The following ADAM18 variants were observed in gnomAD, a reference collection of about 807,000 sequenced individuals.
ADAM18 encodes the protein ADAM metallopeptidase domain 18.
Under a neutral mutation model 94.4 loss-of-function variants are expected in ADAM18, and 117 were observed. The observed-to-expected ratio is 1.24, with a 90% CI of 1.07 to 1.45. The LOEUF is 1.45. Ranked by LOEUF, ADAM18 falls within the 40% of genes most tolerant of loss-of-function variation. ADAM18 has a pLI of 0.00. For missense variants in ADAM18, 936 were observed against 880.0 expected (o/e 1.06, Z -0.81); for synonymous variants, 327 against 291.6 (o/e 1.12, Z -1.24).
intron 18 of ADAM18, among the ~76,000 whole-genome samples, chr8:39,719,838 T>C (rs1822699345): frequency 6.6e-6 from 1 of 151,480 alleles, no homozygotes; most frequent in Non-Finnish European, 1.5e-5. Flanking sequence ...ACAAAATTTA[T>C]AGTTTCAGAG....
chr8:39,643,655 C>A (rs1820297707), intron 10 of ADAM18, among the ~76,000 whole-genome samples: 1 of 152,064 alleles, frequency 6.6e-6, no homozygotes, highest in African/African-American at 2.4e-5. Context: ...AATCTTTTCT[C>A]TGCCTTTGCC....
At chr8:39,728,396 G>T (rs2129582045) in intron 19 of ADAM18, among the ~76,000 whole-genome samples, 1 of 152,222 alleles carries the variant, frequency 6.6e-6, no homozygotes, top group South Asian at 2.1e-4. Flanking sequence ...ATGAGTAACT[G>T]TATTATTTAT....
chr8:39,630,989 A>G (rs1292032352), intron 7 of ADAM18, among the ~76,000 whole-genome samples: 1 of 151,982 alleles, frequency 6.6e-6, no homozygotes, highest in African/African-American at 2.4e-5. Flanking sequence ...GAGTTTGAGC[A>G]TATTTTCATA....
intron 17 of ADAM18, 83 bp downstream of exon 17, chr8:39,692,763 GGT>G: frequency 9.0e-7 from 1 of 1,110,968 alleles, no homozygotes; most frequent in Non-Finnish European, 1.3e-6. Context: ...TGAGAGTCTA[GGT>G]TGACTTGCCT....
chr8:39,706,224 T>A (rs1221409985), intron 17 of ADAM18, among the ~76,000 whole-genome samples: 1 of 152,134 alleles, frequency 6.6e-6, no homozygotes, highest in Non-Finnish European at 1.5e-5. Context: ...TGTATTTGAT[T>A]GTTGATTTAT....
rs554412773 is a variant in ADAM18, at chr8:39,586,117, T to C, written c.132+765T>C. 3.5e-3 allele frequency among the ~76,000 whole-genome samples: 532 copies of C among 152,286 alleles called. 5 individuals are homozygous for C. The highest frequency in any genetic ancestry group is 0.012 in the African/African-American group (508 of 41,566). ...TATGAGTAAGGAAAAGATTAATCTA[T>C]TAATTCTATTTTGGCACACAATATT... On this transcript the variant is annotated intron_variant, in intron 2 of 19. Coordinates refer to ENST00000265707, the MANE Select transcript of ADAM18 (RefSeq NM_014237.3).
intron 13 of ADAM18, among the ~76,000 whole-genome samples, chr8:39,664,209 T>C (rs531356792): frequency 4.6e-5 from 7 of 152,340 alleles, no homozygotes; most frequent in African/African-American, 1.7e-4. Context: ...TTCCTTTTTG[T>C]TGCTGAATAG....
intron 11 of ADAM18, among the ~76,000 whole-genome samples, chr8:39,646,081 T>C (rs939958532): frequency 1.3e-5 from 2 of 152,158 alleles, no homozygotes; most frequent in East Asian, 1.9e-4. Context: ...GCTAAGGCAT[T>C]TCTTTTTGCT....
chr8:39,613,937 G>A (rs1181301863), intron 6 of ADAM18, among the ~76,000 whole-genome samples: 1 of 152,090 alleles, frequency 6.6e-6, no homozygotes, highest in Non-Finnish European at 1.5e-5. Flanking sequence ...AAGAAAAAAT[G>A]CAAAAGAATG....
intron 2 of ADAM18, among the ~76,000 whole-genome samples, chr8:39,604,965 A>T (rs1819024840): frequency 6.6e-6 from 1 of 152,156 alleles, no homozygotes; most frequent in Admixed American, 6.6e-5. Flanking sequence ...AGATTGTGTC[A>T]GACCTTTTGC....
chr8:39,635,735 C>A (rs886984051), intron 7 of ADAM18, among the ~76,000 whole-genome samples: 1 of 152,044 alleles, frequency 6.6e-6, no homozygotes, highest in Non-Finnish European at 1.5e-5. Flanking sequence ...TGTACCTTGG[C>A]ACAATTGGAG....
Position 39,668,039 on chromosome 8 carries a change from A to G in ADAM18, c.1368A>G (p.Pro456=). 3 of 1,614,112 alleles carry G rather than the reference A, an allele frequency of 1.9e-6. No individual in the cohort carries two copies. In the Admixed American group the frequency reaches 5.0e-5, roughly 27 times the overall value. Residue 456 remains proline, a synonymous_variant, in exon 14 of 20, where the codon CCA becomes CCG. Transcript: ENST00000265707. ...CTCCATGTAGAAAGAGTATTGATCC[A>G]GAGTGTGATTTTACAGAGTACTGCA... ...AGTPCRKSID[P]ECDFTEYCNG...
At chr8:39,609,422 T>A in intron 4 of ADAM18, 63 bp from the exon 5 acceptor site, 1 of 1,115,524 alleles carries the variant, frequency 9.0e-7, no homozygotes, top group Non-Finnish European at 1.4e-6. Flanking sequence ...TTCTGACATG[T>A]TTGACAATAC....
intron 10 of ADAM18, among the ~76,000 whole-genome samples, chr8:39,643,626 C>T (rs1380715782): frequency 6.6e-6 from 1 of 152,012 alleles, no homozygotes; most frequent in Admixed American, 6.6e-5. Context: ...AGTGGTTCCT[C>T]TTGAGGGCTG....
chr8:39,589,376 T>C (rs539902124), intron 2 of ADAM18, among the ~76,000 whole-genome samples: 41 of 152,298 alleles, frequency 2.7e-4, no homozygotes, highest in African/African-American at 9.6e-4. Context: ...ATATACTTCA[T>C]AATGAATTAA....
intron 18 of ADAM18, among the ~76,000 whole-genome samples, chr8:39,709,094 C>T (rs564946150): frequency 8.5e-5 from 13 of 152,256 alleles, no homozygotes; most frequent in South Asian, 4.2e-4. Context: ...TCATGGCTCC[C>T]GAGCTCTTGT....
At chr8:39,598,957 A>G (rs1249512486) in intron 2 of ADAM18, among the ~76,000 whole-genome samples, 2 of 151,916 alleles carry the variant, frequency 1.3e-5, no homozygotes, top group African/African-American at 4.8e-5. Flanking sequence ...GATCACAGGA[A>G]CCCACCAACA....
At position 39,609,514 on chromosome 8, in the gene ADAM18, C is replaced by A. The variant is rs756914222; in HGVS notation, c.297C>A (p.Ala99=). 5 of 1,610,936 alleles carry A rather than the reference C, an allele frequency of 3.1e-6. No homozygotes were observed. The South Asian group carries it at 3.3e-5, about 11-fold the overall frequency. The part of the protein sequence containing the change: ...MMHCHYQGYA[A]EFPNSFVTLS... ...ATTGCCATTACCAAGGATATGCTGC[C>A]GAATTTCCAAATTCATTTGTGACAC... Residue 99 remains alanine (A), a synonymous_variant, in exon 5 of 20, where the codon GCC becomes GCA. Transcript: ENST00000265707.
rs151158681 is a variant in ADAM18, at chr8:39,674,032, T to C, written c.1526-3399T>C. Among the ~76,000 whole-genome samples, 1,231 of 152,308 alleles carry C rather than the reference T, an allele frequency of 8.1e-3. 17 individuals are homozygous for C. Among genetic ancestry groups the C allele is most frequent in the African/African-American group, 0.028 (1,163 of 41,550 alleles). ...TTCATTTACATTTGCTGAGGAGTGC[T>C]TTACTTCCAATTTTGTGGTCAATTT... On this transcript the variant is annotated intron_variant, in intron 14 of 19. Coordinates refer to ENST00000265707, the MANE Select transcript of ADAM18 (RefSeq NM_014237.3).
Sources: allele counts gnomAD v4.1 joint callset (sites outside exome capture counted in the v4.1 genomes callset), GRCh38; gene constraint gnomAD v4.1.1; transcripts MANE v1.5; gene names NCBI Gene and HGNC (gene_info 2026-07-23, HGNC 2026-07-21).